CARD14: variants seen among roughly 807,000 people sequenced by gnomAD.
CARD14 encodes caspase recruitment domain-containing protein 14.
In CARD14, 107 loss-of-function variants were observed where a neutral mutation model predicts 111.5. The observed-to-expected ratio is 0.96, with a 90% CI of 0.82 to 1.13. The LOEUF (loss-of-function observed/expected upper bound fraction) is 1.13. Among genes scored for constraint, CARD14 ranks in the 50% most tolerant of loss-of-function variants. The pLI is 0.00. For missense variants in CARD14, 1,322 were observed against 1,362.3 expected, an observed-to-expected ratio of 0.97 and a Z score of 0.47; for synonymous variants, 617 against 579.6, an observed-to-expected ratio of 1.06 and a Z score of -0.93.
Position 80,189,647 on chromosome 17 carries a change from TC to T in CARD14, c.844-104del. On this transcript the variant is annotated intron_variant, in intron 8 of 23. Coordinates refer to ENST00000648509, the MANE Select transcript of CARD14 (RefSeq NM_001366385.1). This position sits in a 1 kb window ranked among gnomAD's most constrained non-coding sequence, Gnocchi z 4.7. ...GTGTAGAGTGGCAAGACTGCATCCG[TC>T]CACACACCTGACCGTGCAGTTGCCG... The T allele has an allele frequency of 7.5e-7, 1 of 1,334,764 alleles. No individual in the cohort carries two copies. The highest frequency in any genetic ancestry group is 9.8e-7 in the Non-Finnish European group (1 of 1,018,562). The allele number at this position is 1,334,764 out of a possible 1,614,324, so 82.7% of individuals were successfully genotyped here. A position where few individuals can be genotyped will look rare whatever the true frequency, so the allele number is the denominator to read the frequency against.
chr17:80,201,590 C>G lies in CARD14; in HGVS notation c.1852-154C>G. 3 of 751,920 alleles carry G rather than the reference C, an allele frequency of 4.0e-6. No homozygotes were observed. The allele number at this position is 751,920 out of a possible 1,614,324, so 46.6% of individuals were successfully genotyped here. On this transcript the variant is annotated intron_variant, in intron 16 of 23. Coordinates refer to ENST00000648509, the MANE Select transcript of CARD14 (RefSeq NM_001366385.1). The surrounding 1 kb of genome is among the most constrained non-coding windows in gnomAD (Gnocchi z 5.0). ...GAGGTGTGAAGGCCCCACAGAGGCT[C>G]TGGTGTGTGGCTTTGTTTTGACCAA... is the stretch of plus-strand genomic sequence containing the variant.
intron 12 of CARD14, among the ~76,000 whole-genome samples, chr17:80,194,874 C>T (rs774586288): frequency 3.9e-5 from 6 of 152,180 alleles, no homozygotes; most frequent in East Asian, 1.9e-4. Flanking sequence ...TGGGAACACA[C>T]GGCCAAACTA....
intron 22 of CARD14, among the ~76,000 whole-genome samples, chr17:80,206,349 C>A (rs1013772879): frequency 6.6e-6 from 1 of 152,124 alleles, no homozygotes; most frequent in Non-Finnish European, 1.5e-5. Flanking sequence ...CACAGTGGCT[C>A]GCGCCTGTAA....
intron 20 of CARD14, chr17:80,204,627 G>GAAA: frequency 1.0e-5 from 3 of 292,704 alleles, no homozygotes; most frequent in East Asian, 6.4e-5. Context: ...TCTGTCTCAG[G>GAAA]AAAAAAAAAA....
chr17:80,185,417 T>A (rs2144202350), intron 7 of CARD14, among the ~76,000 whole-genome samples: 1 of 152,298 alleles, frequency 6.6e-6, no homozygotes, highest in African/African-American at 2.4e-5. Context: ...TTAGAAATAA[T>A]TCCAAATATA....
intron 23 of CARD14, 137 bp from the exon 24 acceptor site, chr17:80,208,001 T>G: frequency 1.7e-6 from 1 of 588,296 alleles, no homozygotes; most frequent in Non-Finnish European, 2.8e-6. Context: ...CTGGGGCCTA[T>G]TTTCTTTACA....
rs753922155 is a variant in CARD14 at position 80,189,830 on chromosome 17, G to T, written c.921G>T (p.Ser307=). The change falls in exon 9 of 24, where the codon TCG becomes TCT. Residue 307 remains serine (S), a synonymous_variant. Coordinates refer to ENST00000648509, the MANE Select transcript of CARD14 (RefSeq NM_001366385.1). The surrounding 1 kb of genome is among the most constrained non-coding windows in gnomAD (Gnocchi z 4.7). The stretch of plus-strand genomic sequence containing the variant: ...AGGAGCTGGTGGAGCGCATCCACTC[G>T]CTGCGGGAGCGGGCCGTGGCTGCCG... ...SRQELVERIH[S]LRERAVAAER... is the part of the protein sequence containing the mutation. 1.3e-6 allele frequency: 2 copies of T among 1,586,550 alleles called. No homozygotes were observed. The highest frequency in any genetic ancestry group is 1.7e-6 in the Non-Finnish European group (2 of 1,170,906).
intron 1 of CARD14, among the ~76,000 whole-genome samples, chr17:80,172,354 C>T (rs1048155556): frequency 4.6e-5 from 7 of 152,218 alleles, no homozygotes; most frequent in African/African-American, 1.7e-4. Context: ...AGATGCTGCA[C>T]TCTCCTTCAC....
chr17:80,200,497 A>G (rs1424184202), intron 16 of CARD14, among the ~76,000 whole-genome samples: 6 of 151,988 alleles, frequency 3.9e-5, no homozygotes, highest in Non-Finnish European at 8.8e-5. Context: ...TCAGCCTCCT[A>G]AAGTGCTGGG....
intron 11 of CARD14, among the ~76,000 whole-genome samples, chr17:80,191,974 G>T (rs569530874): frequency 6.6e-6 from 1 of 152,172 alleles, no homozygotes; most frequent in Non-Finnish European, 1.5e-5. Context: ...CCAGGCCCCC[G>T]GGGAGGCAAA....
At chr17:80,202,523 G>A (rs2041039981) in intron 18 of CARD14, 103 bp downstream of exon 18, 1 of 1,511,154 alleles carries the variant, frequency 6.6e-7, no homozygotes, top group Non-Finnish European at 8.8e-7. Context: ...TAGAGGGTGG[G>A]CGTGGTGAGA....
In CARD14 at chr17:80,198,811, C is replaced by T. The variant is rs1244566779; in HGVS notation, c.1851+220C>T. 15 of 1,480,598 alleles carry T rather than the reference C, an allele frequency of 1.0e-5. No individual in the cohort carries two copies. Among genetic ancestry groups the T allele is most frequent in the Admixed American group, 4.6e-5 (2 of 43,098 alleles). The allele number at this position is 1,480,598 out of a possible 1,614,324, so 91.7% of individuals were successfully genotyped here. A position where few individuals can be genotyped will look rare whatever the true frequency, so the allele number is the denominator to read the frequency against. On this transcript the variant is annotated intron_variant, in intron 16 of 23. Coordinates refer to ENST00000648509, the MANE Select transcript of CARD14 (RefSeq NM_001366385.1). This position sits in a 1 kb window ranked among gnomAD's most constrained non-coding sequence, Gnocchi z 7.5. ...TGTCACCCGTGGTGCTGCTGCCATGCGGCGCTTCTGACCAGGGGTCTTTGC... is the reference window on the plus strand; with the variant it reads ...TGTCACCCGTGGTGCTGCTGCCATGTGGCGCTTCTGACCAGGGGTCTTTGC...
intron 18 of CARD14, chr17:80,202,657 C>A: frequency 7.4e-7 from 1 of 1,357,356 alleles, no homozygotes; most frequent in Non-Finnish European, 9.6e-7. Flanking sequence ...TTTCTTAGCT[C>A]TGGGTTTCTT....
At chr17:80,194,464 C>T (rs2040639075) in intron 12 of CARD14, among the ~76,000 whole-genome samples, 1 of 152,246 alleles carries the variant, frequency 6.6e-6, no homozygotes, top group Non-Finnish European at 1.5e-5. Flanking sequence ...TCAGTGTGCA[C>T]TCTGAGTGCG....
rs372429076 is a variant in CARD14 at position 80,205,666 on chromosome 17, C to T, written c.2691+14C>T. 4.6e-5 allele frequency: 25 copies of T among 546,674 alleles called. No homozygotes were observed. Among genetic ancestry groups the T allele is most frequent in the Admixed American group, 1.9e-4 (8 of 42,410 alleles). 33.9% of individuals were successfully genotyped at this position (546,674 alleles called of 1,614,324 possible). A position where few individuals can be genotyped will look rare whatever the true frequency, so the allele number is the denominator to read the frequency against. Reference sequence around the variant, plus strand: ...CTCATGGAAAAGGTGAGGTCAAGGGCGGGGTGGGCAGGGGAGCTGTCCTGG... The same window carrying T: ...CTCATGGAAAAGGTGAGGTCAAGGGTGGGGTGGGCAGGGGAGCTGTCCTGG... On this transcript the variant is annotated intron_variant, in intron 22 of 23. Transcript: ENST00000648509.
rs112761001 is a variant in CARD14 at position 80,187,309 on chromosome 17, C to T, written c.676-1068C>T. ...CGGACTTGTTTGTAATTCACCTCCC[C>T]CCGCCAGCCAATCTTGCTCAAGGCT... On this transcript the variant is annotated intron_variant, in intron 7 of 23. Transcript: ENST00000648509. 3.7e-3 allele frequency among the ~76,000 whole-genome samples: 567 copies of T among 152,346 alleles called. 1 individual carries two copies. The highest frequency in any genetic ancestry group is 6.8e-3 in the Non-Finnish European group (460 of 68,028).
intron 7 of CARD14, among the ~76,000 whole-genome samples, chr17:80,187,198 G>A (rs1283448191): frequency 6.6e-6 from 1 of 152,142 alleles, no homozygotes; most frequent in Non-Finnish European, 1.5e-5. Flanking sequence ...CTTCAGACCC[G>A]TGCTCAGTCC....
intron 16 of CARD14, among the ~76,000 whole-genome samples, chr17:80,199,695 A>G (rs1225612799): frequency 6.6e-6 from 1 of 150,594 alleles, no homozygotes; most frequent in African/African-American, 2.4e-5. Flanking sequence ...CCTGGACAAC[A>G]TGGTGAAACC....
chr17:80,205,244 TTCCC>T (rs1432629128), intron 21 of CARD14, 39 bp downstream of exon 21: 18 of 1,541,114 alleles, frequency 1.2e-5, no homozygotes, highest in Middle Eastern at 1.7e-4. Flanking sequence ...CCCTTCCACC[TTCCC>T]TCCCTCCCTC....
Sources: allele counts gnomAD v4.1 joint callset (sites outside exome capture counted in the v4.1 genomes callset), GRCh38; gene constraint gnomAD v4.1.1; non-coding constraint Gnocchi (gnomAD v3.1); transcripts MANE v1.5; gene names NCBI Gene and HGNC (gene_info 2026-07-23, HGNC 2026-07-21).